The following NUAK1 variants were observed in gnomAD, a reference collection of about 807,000 sequenced individuals.
The protein encoded by NUAK1 is NUAK family kinase 1, also known as NUAK family SNF1-like kinase 1.
NUAK1 carries 26 observed loss-of-function variants against 56.9 expected under a neutral mutation model. That is an observed-to-expected ratio of 0.46 (90% CI 0.33 to 0.63). NUAK1 has a LOEUF of 0.63. NUAK1 is among the 30% of genes least tolerant of loss of function. The probability of loss-of-function intolerance (pLI) is 0.02; values close to 1 mark genes in which losing one functional copy is unlikely to be tolerated. For missense variants in NUAK1, 727 were observed against 876.1 expected, an observed-to-expected ratio of 0.83 and a Z score of 2.15; for synonymous variants, 337 against 336.0, an observed-to-expected ratio of 1.00 and a Z score of -0.03.
At chr12:106,071,049 T>C (rs2032402160) in intron 5 of NUAK1, 143 bp from the exon 6 acceptor site, 6 of 813,846 alleles carry the variant, frequency 7.4e-6, no homozygotes, top group Non-Finnish European at 1.2e-5. Flanking sequence ...AGGTTCCTAG[T>C]GCAGCCTGAC....
At chr12:106,084,099 T>C in intron 3 of NUAK1, 170 bp from the exon 4 acceptor site, 3 of 600,612 alleles carry the variant, frequency 5.0e-6, no homozygotes, top group Middle Eastern at 8.7e-4. Context: ...GTCTTGACGC[T>C]CCCCCGCCAG....
At chr12:106,105,426 A>G (rs1401459998) in intron 2 of NUAK1, among the ~76,000 whole-genome samples, 1 of 152,240 alleles carries the variant, frequency 6.6e-6, no homozygotes, top group Non-Finnish European at 1.5e-5. Context: ...GAACAACTTA[A>G]GTGTTTGGCA....
intron 2 of NUAK1, among the ~76,000 whole-genome samples, chr12:106,100,912 T>C (rs147283503): frequency 3.3e-5 from 5 of 152,266 alleles, no homozygotes; most frequent in Non-Finnish European, 7.3e-5. Flanking sequence ...GCAAGTTCTT[T>C]AACAGCTTCT....
intron 2 of NUAK1, among the ~76,000 whole-genome samples, chr12:106,090,571 C>G (rs972141380): frequency 6.6e-6 from 1 of 152,092 alleles, no homozygotes; most frequent in Non-Finnish European, 1.5e-5. Context: ...ACAAAGAGTA[C>G]GAGGCATAGC....
intron 2 of NUAK1, chr12:106,103,215 C>T (rs528977703): frequency 2.8e-4 from 43 of 152,350 alleles, no homozygotes; most frequent in African/African-American, 1.0e-3. Context: ...ATGTGGGACG[C>T]CAGCAACCAC....
intron 3 of NUAK1, among the ~76,000 whole-genome samples, chr12:106,085,027 T>C (rs878968035): frequency 6.6e-6 from 1 of 152,204 alleles, no homozygotes. Flanking sequence ...CTACTAATCT[T>C]TTTCTAATTC....
At chr12:106,104,083 TA>T (rs1216645289) in intron 2 of NUAK1, 1 of 151,760 alleles carries the variant, frequency 6.6e-6, no homozygotes, top group Non-Finnish European at 1.5e-5. Context: ...TTTTTTTTTT[TA>T]AGACAGGGTC....
Position 106,086,862 on chromosome 12 carries a change from C to A in NUAK1, c.385G>T (p.Val129Leu). Residue 129 changes from valine to leucine, a missense_variant, in exon 3 of 7, where the codon GTG becomes TTG. Coordinates refer to ENST00000261402, the MANE Select transcript of NUAK1 (RefSeq NM_014840.3). The part of the protein sequence containing the change: ...YEVFENKDKI[V>L]IIMEYASKGE... ...TTGCTGGCATATTCCATGATGATCACAATCTTATCTTTGTTCTCAAACACT... is the reference window on the plus strand; with the variant it reads ...TTGCTGGCATATTCCATGATGATCAAAATCTTATCTTTGTTCTCAAACACT... 1 of 1,613,838 alleles carries A rather than the reference C, an allele frequency of 6.2e-7. No individual in the cohort carries two copies. Among genetic ancestry groups the A allele is most frequent in the Non-Finnish European group, 8.5e-7 (1 of 1,179,760 alleles).
At chr12:106,090,571 C>A (rs972141380) in intron 2 of NUAK1, among the ~76,000 whole-genome samples, 2 of 152,092 alleles carry the variant, frequency 1.3e-5, no homozygotes, top group African/African-American at 4.8e-5. Context: ...ACAAAGAGTA[C>A]GAGGCATAGC....
rs77367779 is a variant in NUAK1, at chr12:106,136,853, G to A, written c.240+1561C>T. Among the ~76,000 whole-genome samples the A allele has an allele frequency of 2.5e-3, 383 of 152,314 alleles. 13 individuals carry two copies. The East Asian group carries it at 0.061, about 24-fold the overall frequency. On this transcript the variant is annotated intron_variant, in intron 1 of 6. Coordinates refer to ENST00000261402, the MANE Select transcript of NUAK1 (RefSeq NM_014840.3). ...CTCAGAAGAAAAGCATGAATGAAGTGCACGTTTCCCAGCCTCTTCTTCCAC... is the reference window on the plus strand; with the variant it reads ...CTCAGAAGAAAAGCATGAATGAAGTACACGTTTCCCAGCCTCTTCTTCCAC...
At chr12:106,125,362 T>G (rs2033016370) in intron 1 of NUAK1, among the ~76,000 whole-genome samples, 1 of 152,198 alleles carries the variant, frequency 6.6e-6, no homozygotes. Flanking sequence ...CGGAGGCAAC[T>G]TCTCTGTGCT....
chr12:106,108,350 C>A (rs1374436789), intron 1 of NUAK1, among the ~76,000 whole-genome samples: 2 of 152,222 alleles, frequency 1.3e-5, no homozygotes, highest in East Asian at 3.9e-4. Flanking sequence ...CTCCCTTCGA[C>A]CCTGGGTGGA....
intron 3 of NUAK1, among the ~76,000 whole-genome samples, chr12:106,085,602 A>G (rs1246378871): frequency 6.6e-6 from 1 of 152,208 alleles, no homozygotes; most frequent in Non-Finnish European, 1.5e-5. Flanking sequence ...TTCATGGCCA[A>G]AGTGATGAAT....
intron 2 of NUAK1, among the ~76,000 whole-genome samples, chr12:106,104,487 C>T (rs757938365): frequency 1.2e-4 from 18 of 152,210 alleles, no homozygotes; most frequent in Non-Finnish European, 2.2e-4. Flanking sequence ...ACACTCCACT[C>T]AGTAGACTAG....
In NUAK1 at chr12:106,075,294, C is replaced by CAT. The variant is rs1592848930; in HGVS notation, c.580-2452_580-2451insAT. 5.4e-5 allele frequency among the ~76,000 whole-genome samples: 8 copies of CAT among 148,774 alleles called. No homozygotes were observed. In the East Asian group the frequency reaches 1.9e-3, roughly 35 times the overall value. On this transcript the variant is annotated intron_variant, in intron 4 of 6. Transcript: ENST00000261402. ...GGAAAGCAGTATTAATCAACACACA[C>CAT]ACACACACACACACACACACACACA...
At chr12:106,118,079 C>G (rs2032936861) in intron 1 of NUAK1, among the ~76,000 whole-genome samples, 1 of 152,184 alleles carries the variant, frequency 6.6e-6, no homozygotes, top group South Asian at 2.1e-4. Flanking sequence ...GGCAGTCTAC[C>G]CAGATTCCAC....
At chr12:106,127,944 C>G (rs959904531) in intron 1 of NUAK1, among the ~76,000 whole-genome samples, 4 of 152,066 alleles carry the variant, frequency 2.6e-5, no homozygotes, top group African/African-American at 9.7e-5. Context: ...CCTTCCAAAA[C>G]TTAGATTTAT....
rs529484939 is a variant in NUAK1 at position 106,109,207 on chromosome 12, C to T, written c.241-2682G>A. Among the ~76,000 whole-genome samples the T allele has an allele frequency of 5.3e-5, 8 of 152,218 alleles. 1 individual carries two copies. Among genetic ancestry groups the T allele is most frequent in the African/African-American group, 1.4e-4 (6 of 41,532 alleles). ...CGGACCCATCCAAGGTTCAGACAGC[C>T]GGTTAATGACAAAACAAAAAAGCAC... is the stretch of plus-strand genomic sequence containing the variant. On this transcript the variant is annotated intron_variant, in intron 1 of 6. Transcript: ENST00000261402.
chr12:106,137,023 A>C (rs564809058), intron 1 of NUAK1, among the ~76,000 whole-genome samples: 2 of 152,224 alleles, frequency 1.3e-5, no homozygotes, highest in Admixed American at 6.6e-5. Flanking sequence ...TTAAAAAGAA[A>C]TGTACGCCAT....
Sources: gnomAD v4.1 joint callset for allele counts (sites outside exome capture counted in the v4.1 genomes callset) on GRCh38, gnomAD v4.1.1 for gene constraint, MANE v1.5 for transcripts, NCBI Gene and HGNC (gene_info 2026-07-23, HGNC 2026-07-21) for gene names.